Variants in IL1RAPL1 observed in about 807,000 individuals in gnomAD.
IL1RAPL1 encodes the protein interleukin-1 receptor accessory protein-like 1.
IL1RAPL1 carries 3 observed loss-of-function variants against 48.4 expected under a neutral mutation model. The ratio of observed to expected loss-of-function variants is 0.06; its 90% CI spans 0.03 to 0.16. The LOEUF (loss-of-function observed/expected upper bound fraction) is 0.16, where lower values mean the gene tolerates loss of function less well. IL1RAPL1 is among the 10% of genes least tolerant of loss of function. The pLI, the probability that IL1RAPL1 is intolerant of heterozygous loss-of-function variation, is 1.00. For synonymous variants in IL1RAPL1, 185 were observed against 187.7 expected (o/e 0.99, Z 0.12); for missense variants, 349 against 530.6 (o/e 0.66, Z 3.36).
chrX:29,911,446 T>C (rs1438926110), intron 6 of IL1RAPL1, among the ~76,000 whole-genome samples: 1 of 111,971 alleles, frequency 8.9e-6, no homozygotes, highest in African/African-American at 3.2e-5. Context: ...CATGGAATTG[T>C]ACAAATTCAT....
At chrX:29,621,656 A>G (rs1924466180) in intron 5 of IL1RAPL1, among the ~76,000 whole-genome samples, 1 of 111,754 alleles carries the variant, frequency 8.9e-6, no homozygotes, top group Non-Finnish European at 1.9e-5. Context: ...TATGTAATAG[A>G]TGTACATTTT....
At chrX:29,607,860 G>A (rs972719431) in intron 5 of IL1RAPL1, among the ~76,000 whole-genome samples, 3 of 111,889 alleles carry the variant, frequency 2.7e-5, no homozygotes, top group African/African-American at 9.8e-5. Flanking sequence ...AGTGGATAGC[G>A]TCAAAATTTC....
chrX:28,860,005 T>A (rs1921902213), intron 2 of IL1RAPL1, among the ~76,000 whole-genome samples: 2 of 111,439 alleles, frequency 1.8e-5, no homozygotes, highest in Non-Finnish European at 3.8e-5. Context: ...CACTTCATAT[T>A]AGTAAGATTT....
At chrX:28,595,886 T>A (rs73630058) in intron 1 of IL1RAPL1, among the ~76,000 whole-genome samples, 8,711 of 111,306 alleles carry the variant, frequency 0.078, 277 homozygotes, top group African/African-American at 0.12. Context: ...AGCTCCACAG[T>A]GTGCAGAGTA....
intron 2 of IL1RAPL1, among the ~76,000 whole-genome samples, chrX:29,031,299 A>G (rs1011250723): frequency 5.3e-5 from 6 of 112,265 alleles, no homozygotes; most frequent in Non-Finnish European, 1.1e-4. Context: ...AATCGTTGCC[A>G]ATTCTACTTC....
At chrX:28,775,353 C>T (rs1936352663) in intron 1 of IL1RAPL1, among the ~76,000 whole-genome samples, 1 of 112,065 alleles carries the variant, frequency 8.9e-6, no homozygotes, top group Non-Finnish European at 1.9e-5. Flanking sequence ...CAATCTTTGG[C>T]TTTCCTTGAC....
intron 2 of IL1RAPL1, among the ~76,000 whole-genome samples, chrX:29,269,825 G>A (rs1932012242): frequency 9.0e-6 from 1 of 110,525 alleles, no homozygotes; most frequent in Non-Finnish European, 1.9e-5. Flanking sequence ...GGTATGTTTT[G>A]ACATATATAT....
At chrX:29,212,676 G>A in intron 2 of IL1RAPL1, among the ~76,000 whole-genome samples, 1 of 112,284 alleles carries the variant, frequency 8.9e-6, no homozygotes, top group Non-Finnish European at 1.9e-5. Flanking sequence ...AACATAAACA[G>A]TCTATTAACA....
intron 3 of IL1RAPL1, among the ~76,000 whole-genome samples, chrX:29,333,350 C>T (rs1395201434): frequency 9.5e-6 from 1 of 105,788 alleles, no homozygotes; most frequent in Non-Finnish European, 2.0e-5. Context: ...CCAGTAGGGG[C>T]GGCCGGGCAG....
intron 2 of IL1RAPL1, among the ~76,000 whole-genome samples, chrX:29,204,226 T>C (rs971335281): frequency 5.4e-5 from 6 of 112,061 alleles, no homozygotes; most frequent in Non-Finnish European, 1.1e-4. Context: ...TTCTTTTGGA[T>C]ACATTCTCAG....
intron 6 of IL1RAPL1, among the ~76,000 whole-genome samples, chrX:29,828,121 C>T (rs1930782359): frequency 9.0e-6 from 1 of 111,555 alleles, no homozygotes; most frequent in African/African-American, 3.3e-5. Flanking sequence ...GCTGGGAGAA[C>T]ATCAGGAAGA....
At chrX:28,766,714 A>G (rs766871660) in intron 1 of IL1RAPL1, among the ~76,000 whole-genome samples, 1 of 110,633 alleles carries the variant, frequency 9.0e-6, no homozygotes, top group African/African-American at 3.3e-5. Context: ...GCCTCTGGTA[A>G]CCATCCTTCT....
chrX:29,320,346 T>C (rs1932795718), intron 3 of IL1RAPL1, among the ~76,000 whole-genome samples: 2 of 112,312 alleles, frequency 1.8e-5, no homozygotes, highest in African/African-American at 6.5e-5. Flanking sequence ...ATTAATTATA[T>C]TCAGGTCCAA....
intron 1 of IL1RAPL1, among the ~76,000 whole-genome samples, chrX:28,635,678 C>A (rs988769614): frequency 1.8e-5 from 2 of 111,783 alleles, no homozygotes; most frequent in Non-Finnish European, 3.8e-5. Flanking sequence ...TTTCAACTTA[C>A]AATGAGTTTA....
intron 6 of IL1RAPL1, among the ~76,000 whole-genome samples, chrX:29,686,534 G>GAGTT (rs1555912579): frequency 1.6e-4 from 13 of 83,347 alleles, no homozygotes; most frequent in Non-Finnish European, 2.3e-5. Flanking sequence ...CCCCCCTAAA[G>GAGTT]ATTTATTTAT....
At chrX:28,990,366 G>T (rs1925574809) in intron 2 of IL1RAPL1, among the ~76,000 whole-genome samples, 1 of 111,907 alleles carries the variant, frequency 8.9e-6, no homozygotes, top group African/African-American at 3.2e-5. Context: ...CTAAATCGGG[G>T]ATAGTATCAT....
chrX:28,722,155 GA>G (rs1031691022), intron 1 of IL1RAPL1, among the ~76,000 whole-genome samples: 2 of 111,444 alleles, frequency 1.8e-5, no homozygotes, highest in African/African-American at 6.5e-5. Context: ...GCTTGATGGG[GA>G]TGGCATTGAA....
intron 3 of IL1RAPL1, among the ~76,000 whole-genome samples, chrX:29,370,201 A>C (rs992722170): frequency 2.7e-5 from 3 of 110,990 alleles, no homozygotes; most frequent in Admixed American, 1.9e-4. Context: ...TGCTTAATTA[A>C]TATTCGGCTA....
intron 6 of IL1RAPL1, among the ~76,000 whole-genome samples, chrX:29,756,860 G>T (rs1928632383): frequency 8.9e-6 from 1 of 112,024 alleles, no homozygotes; most frequent in Admixed American, 9.5e-5. Context: ...GGTGTAGGGT[G>T]GGCCCTAATT....
Sources: gnomAD v4.1 joint callset for allele counts (sites outside exome capture counted in the v4.1 genomes callset) on GRCh38, gnomAD v4.1.1 for gene constraint, MANE v1.5 for transcripts, NCBI Gene and HGNC (gene_info 2026-07-23, HGNC 2026-07-21) for gene names.